The following SP100 variants were observed in gnomAD, a reference collection of about 807,000 sequenced individuals.
SP100 encodes nuclear autoantigen Sp-100.
A neutral mutation model predicts 130.0 loss-of-function variants in SP100; 84 were observed. The ratio of observed to expected loss-of-function variants is 0.65; its 90% CI spans 0.54 to 0.77. The LOEUF is 0.77. SP100 is among the 30% of genes least tolerant of loss of function. The probability of loss-of-function intolerance (pLI) is 0.00; values close to 1 mark genes in which losing one functional copy is unlikely to be tolerated. For missense variants in SP100, 978 were observed against 1,052.2 expected (o/e 0.93, Z 0.97); for synonymous variants, 331 against 351.7 (o/e 0.94, Z 0.66).
chr2:230,502,619 C>T (rs2067100548), intron 19 of SP100, among the ~76,000 whole-genome samples: 1 of 152,168 alleles, frequency 6.6e-6, no homozygotes, highest in Non-Finnish European at 1.5e-5. Flanking sequence ...TTCATTCTTG[C>T]TCTCCTCCTG....
At chr2:230,433,359 A>G (rs1270649752) in intron 2 of SP100, among the ~76,000 whole-genome samples, 1 of 152,168 alleles carries the variant, frequency 6.6e-6, no homozygotes, top group African/African-American at 2.4e-5. Context: ...ATTGATTTTT[A>G]TATATATTTA....
chr2:230,511,163 T>C lies in SP100; in HGVS notation c.2091T>C (p.Pro697=). The C allele has an allele frequency of 6.2e-7, 1 of 1,607,662 alleles. No individual in the cohort carries two copies. The highest frequency in any genetic ancestry group is 8.5e-7 in the Non-Finnish European group (1 of 1,174,176). ...LESHNNTLVD[P]CPENSNICEV... ...CTCACAACAATACCTTAGTTGACCCTTGTGTAAGTATAAATTTCCGACTAT... is the reference window on the plus strand; with the variant it reads ...CTCACAACAATACCTTAGTTGACCCCTGTGTAAGTATAAATTTCCGACTAT... The change falls in exon 24 of 29, where the codon CCT becomes CCC. Residue 697 remains proline (P), a synonymous_variant. Coordinates refer to ENST00000340126, the MANE Select transcript of SP100 (RefSeq NM_001080391.2).
rs1352520996 is a variant in SP100 at position 230,473,449 on chromosome 2, A to G, written c.1546+9A>G. On this transcript the variant is annotated intron_variant, in intron 16 of 28. Coordinates refer to ENST00000340126, the MANE Select transcript of SP100 (RefSeq NM_001080391.2). Reference sequence around the variant, plus strand: ...AGCATCTGACATGATGGGTAAGGCTACCCTAGGGTCTTGGGATGGAAGTGG... The same window carrying G: ...AGCATCTGACATGATGGGTAAGGCTGCCCTAGGGTCTTGGGATGGAAGTGG... 3.2e-6 allele frequency: 5 copies of G among 1,553,446 alleles called. No individual in the cohort carries two copies. The highest frequency in any genetic ancestry group is 4.4e-6 in the Non-Finnish European group (5 of 1,125,132).
chr2:230,456,826 G>T (rs145088240), intron 8 of SP100, among the ~76,000 whole-genome samples: 2 of 152,252 alleles, frequency 1.3e-5, no homozygotes, highest in Non-Finnish European at 2.9e-5. Flanking sequence ...TAATTTTAGT[G>T]AATTGTTTCC....
At chr2:230,470,579 A>C (rs1016525161) in intron 15 of SP100, 2 of 250,956 alleles carry the variant, frequency 8.0e-6, no homozygotes, top group Admixed American at 6.5e-5. Flanking sequence ...ATTGGATTAT[A>C]TTGTGTTATT....
chr2:230,539,290 G>C lies in SP100; in HGVS notation c.2118G>C (p.Glu706Asp). ...AGCCGGAAAACTCAAATATATGTGA[G>C]GTGTGCAACAAATGGGGACGGCTGT... is the stretch of plus-strand genomic sequence containing the variant. ...DPCPENSNIC[E>D]VCNKWGRLFC... is the part of the protein sequence containing the mutation. Residue 706 changes from glutamate (E) to aspartate (D), a missense_variant, in exon 25 of 29, where the codon GAG (glutamate) becomes GAC (aspartate). By Grantham distance (45) the Glu-to-Asp change is conservative. Coordinates refer to ENST00000340126, the MANE Select transcript of SP100 (RefSeq NM_001080391.2). The C allele has an allele frequency of 6.2e-7, 1 of 1,613,778 alleles. No individual in the cohort carries two copies. Among genetic ancestry groups the C allele is most frequent in the Non-Finnish European group, 8.5e-7 (1 of 1,179,700 alleles).
intron 2 of SP100, among the ~76,000 whole-genome samples, chr2:230,419,669 C>T (rs2062714403): frequency 6.6e-6 from 1 of 152,168 alleles, no homozygotes; most frequent in Admixed American, 6.5e-5. Flanking sequence ...TATTACACTA[C>T]ATTGTTATAG....
chr2:230,542,276 T>A (rs1692209043), intron 28 of SP100, among the ~76,000 whole-genome samples: 1 of 152,224 alleles, frequency 6.6e-6, no homozygotes, highest in South Asian at 2.1e-4. Context: ...GACTCATTTC[T>A]AGATGGTTTG....
intron 21 of SP100, 133 bp from the exon 22 acceptor site, chr2:230,506,170 A>G (rs889608480): frequency 5.5e-5 from 46 of 838,894 alleles, no homozygotes; most frequent in Non-Finnish European, 8.4e-5. Flanking sequence ...AGCCCCTGAT[A>G]TCTGACAGGA....
intron 11 of SP100, among the ~76,000 whole-genome samples, chr2:230,464,518 C>G (rs2064833382): frequency 6.6e-6 from 1 of 150,992 alleles, no homozygotes; most frequent in African/African-American, 2.4e-5. Flanking sequence ...ATGATAAGCA[C>G]AGTCTTCCTT....
chr2:230,417,624 T>C lies in SP100; in HGVS notation c.66T>C (p.Asn22=), dbSNP rs150794766. The change falls in exon 2 of 29, where the codon AAT becomes AAC. Residue 22 remains asparagine (N), a synonymous_variant. Transcript: ENST00000340126. ...RLNECISPVA[N]EMNHLPAHSH... is the part of the protein sequence containing the mutation. Reference sequence around the variant, plus strand: ...ATGAATGTATTTCACCAGTAGCAAATGAGATGAACCATCTTCCTGCACACA... The same window carrying C: ...ATGAATGTATTTCACCAGTAGCAAACGAGATGAACCATCTTCCTGCACACA... 1.3e-4 allele frequency: 211 copies of C among 1,613,238 alleles called. No homozygotes were observed. The highest frequency in any genetic ancestry group is 1.7e-4 in the Non-Finnish European group (197 of 1,179,834).
At chr2:230,473,578 G>A (rs2065380688) in intron 16 of SP100, 138 bp downstream of exon 16, 1 of 548,728 alleles carries the variant, frequency 1.8e-6, no homozygotes, top group Admixed American at 2.8e-5. Context: ...GGGCCCACAG[G>A]CCCCAAGCTT....
intron 24 of SP100, among the ~76,000 whole-genome samples, chr2:230,519,303 T>C (rs1294072548): frequency 1.3e-5 from 2 of 152,220 alleles, no homozygotes; most frequent in African/African-American, 4.8e-5. Flanking sequence ...CAGTGGGAGA[T>C]TGGGAGCATA....
chr2:230,481,702 A>G (rs907500750), intron 17 of SP100, among the ~76,000 whole-genome samples: 2 of 152,150 alleles, frequency 1.3e-5, no homozygotes, highest in African/African-American at 4.8e-5. Flanking sequence ...CTAGAAAAAA[A>G]AGTCTAAACT....
intron 23 of SP100, 48 bp downstream of exon 23, chr2:230,508,079 G>C: frequency 6.2e-7 from 1 of 1,606,958 alleles, no homozygotes; most frequent in Non-Finnish European, 8.5e-7. Flanking sequence ...TTATGTTGTT[G>C]ATTTTCTATC....
At chr2:230,445,185 TA>T (rs779238126) in intron 4 of SP100, among the ~76,000 whole-genome samples, 13 of 152,232 alleles carry the variant, frequency 8.5e-5, no homozygotes, top group Admixed American at 5.9e-4. Flanking sequence ...TTTATACTAT[TA>T]AAATGGTACA....
intron 2 of SP100, among the ~76,000 whole-genome samples, chr2:230,417,951 T>A (rs557560390): frequency 6.6e-6 from 1 of 152,306 alleles, no homozygotes; most frequent in South Asian, 2.1e-4. Flanking sequence ...CCTCTTGTGA[T>A]ACAGATTTTT....
At chr2:230,471,752 G>C (rs1225828033) in intron 15 of SP100, among the ~76,000 whole-genome samples, 4 of 152,114 alleles carry the variant, frequency 2.6e-5, no homozygotes, top group Admixed American at 2.6e-4. Flanking sequence ...GAGACACTGA[G>C]TGGATAAAGT....
At chr2:230,510,863 T>A (rs375256145) in intron 23 of SP100, 4 of 516,934 alleles carry the variant, frequency 7.7e-6, no homozygotes, top group African/African-American at 7.7e-5. Context: ...TTGCTCCAGC[T>A]CAGTCTCCCT....
Sources: gnomAD v4.1 joint callset for allele counts (sites outside exome capture counted in the v4.1 genomes callset) on GRCh38, gnomAD v4.1.1 for gene constraint, MANE v1.5 for transcripts, NCBI Gene and HGNC (gene_info 2026-07-23, HGNC 2026-07-21) for gene names.